Variants in KCND2 observed in about 807,000 individuals in gnomAD.
KCND2 encodes A-type voltage-gated potassium channel KCND2.
KCND2 carries 16 observed loss-of-function variants against 54.4 expected under a neutral mutation model. The ratio of observed to expected loss-of-function variants is 0.29; its 90% CI spans 0.20 to 0.45. The LOEUF (loss-of-function observed/expected upper bound fraction) is 0.45, where lower values mean the gene tolerates loss of function less well. Among genes scored for constraint, KCND2 ranks in the 20% least tolerant of loss-of-function variants. The probability of loss-of-function intolerance (pLI) is 1.00; values close to 1 mark genes in which losing one functional copy is unlikely to be tolerated. For synonymous variants in KCND2, 317 were observed against 310.7 expected (o/e 1.02, Z -0.21); for missense variants, 486 against 824.2 (o/e 0.59, Z 5.02).
chr7:120,404,551 T>TA, intron 1 of KCND2, among the ~76,000 whole-genome samples: 1 of 152,248 alleles, frequency 6.6e-6, no homozygotes, highest in African/African-American at 2.4e-5. Flanking sequence ...ACTACACAGA[T>TA]AACATTAGGC....
chr7:120,648,647 A>G, intron 1 of KCND2, among the ~76,000 whole-genome samples: 1 of 152,222 alleles, frequency 6.6e-6, no homozygotes, highest in Non-Finnish European at 1.5e-5. Context: ...TTGCCCATAC[A>G]TATTAATGAC....
chr7:120,345,213 G>T lies in KCND2; in HGVS notation c.1115+69466G>T, dbSNP rs184345744. Among the ~76,000 whole-genome samples the T allele has an allele frequency of 1.0e-3, 159 of 152,236 alleles. 1 individual carries two copies. Among genetic ancestry groups the T allele is most frequent in the African/African-American group, 3.5e-3 (145 of 41,534 alleles). ...TATAGTCCAGGTGCCTAAAATGTAGGATAACTTGTTTGATTAAAAATACTG... is the reference window on the plus strand; with the variant it reads ...TATAGTCCAGGTGCCTAAAATGTAGTATAACTTGTTTGATTAAAAATACTG... On this transcript the variant is annotated intron_variant, in intron 1 of 5. Transcript: ENST00000331113.
At chr7:120,702,170 AC>A (rs1380612285) in intron 1 of KCND2, among the ~76,000 whole-genome samples, 4 of 152,322 alleles carry the variant, frequency 2.6e-5, no homozygotes, top group Non-Finnish European at 1.5e-5. Context: ...CATACATGTG[AC>A]CAACAAGCAT....
intron 1 of KCND2, among the ~76,000 whole-genome samples, chr7:120,331,136 C>G (rs1305453943): frequency 6.6e-6 from 1 of 152,030 alleles, no homozygotes; most frequent in Non-Finnish European, 1.5e-5. Flanking sequence ...TAGTATAAAA[C>G]ATTTGAGAAT....
intron 1 of KCND2, among the ~76,000 whole-genome samples, chr7:120,404,226 G>A (rs1801315104): frequency 6.6e-6 from 1 of 152,098 alleles, no homozygotes; most frequent in African/African-American, 2.4e-5. Flanking sequence ...TACTAAAAAT[G>A]ACATCATCAA....
intron 1 of KCND2, among the ~76,000 whole-genome samples, chr7:120,490,471 CTGTTTT>C (rs974029658): frequency 1.3e-5 from 2 of 152,038 alleles, no homozygotes; most frequent in Non-Finnish European, 2.9e-5. Context: ...TTCAGTATTA[CTGTTTT>C]TGTTTTTGTT....
intron 1 of KCND2, among the ~76,000 whole-genome samples, chr7:120,318,965 T>A (rs1584728010): frequency 6.6e-6 from 1 of 152,124 alleles, no homozygotes; most frequent in East Asian, 1.9e-4. Flanking sequence ...AAAGATGATT[T>A]GTAGTTTAAA....
chr7:120,496,434 A>AT (rs971453725), intron 1 of KCND2, among the ~76,000 whole-genome samples: 1 of 150,736 alleles, frequency 6.6e-6, no homozygotes, highest in Admixed American at 6.6e-5. Context: ...TAATTTTTTA[A>AT]TTTTTTTTGA....
chr7:120,605,590 G>T (rs1316909113), intron 1 of KCND2, among the ~76,000 whole-genome samples: 1 of 152,116 alleles, frequency 6.6e-6, no homozygotes, highest in African/African-American at 2.4e-5. Flanking sequence ...ATCTAGGAGT[G>T]GAACTGATGG....
chr7:120,276,683 G>GT (rs1182081406), intron 1 of KCND2, among the ~76,000 whole-genome samples: 2 of 152,012 alleles, frequency 1.3e-5, no homozygotes, highest in East Asian at 1.9e-4. Flanking sequence ...TCATGCTGTT[G>GT]TTTTTAATAT....
intron 1 of KCND2, among the ~76,000 whole-genome samples, chr7:120,395,348 C>T (rs1386953096): frequency 6.6e-6 from 1 of 151,908 alleles, no homozygotes; most frequent in African/African-American, 2.4e-5. Flanking sequence ...TGGTTTTATT[C>T]CTATTTCATT....
At chr7:120,377,923 T>G (rs947936071) in intron 1 of KCND2, among the ~76,000 whole-genome samples, 1 of 151,936 alleles carries the variant, frequency 6.6e-6, no homozygotes, top group East Asian at 1.9e-4. Context: ...TGTATGCTCA[T>G]GTTGCATATG....
At chr7:120,514,441 C>T (rs1803166937) in intron 1 of KCND2, among the ~76,000 whole-genome samples, 1 of 152,150 alleles carries the variant, frequency 6.6e-6, no homozygotes, top group African/African-American at 2.4e-5. Flanking sequence ...AAATACACGT[C>T]ACACTAAGCC....
chr7:120,444,735 A>C (rs902861992), intron 1 of KCND2, among the ~76,000 whole-genome samples: 1 of 152,144 alleles, frequency 6.6e-6, no homozygotes, highest in South Asian at 2.1e-4. Flanking sequence ...TCAACTTTTT[A>C]AGCAAATATA....
rs908257170 is a variant in KCND2 at position 120,477,498 on chromosome 7, C to A, written c.1115+201751C>A. ...AAAAATTCTGAATAATTTACAAAAT[C>A]TATTGTAAAAAATTACAAAGGGGGC... On this transcript the variant is annotated intron_variant, in intron 1 of 5. Transcript: ENST00000331113. Among the ~76,000 whole-genome samples, 38 of 152,060 alleles carry A rather than the reference C, an allele frequency of 2.5e-4. 1 individual carries two copies. The highest frequency in any genetic ancestry group is 4.9e-4 in the Non-Finnish European group (33 of 68,020).
At chr7:120,283,763 T>C (rs946545494) in intron 1 of KCND2, among the ~76,000 whole-genome samples, 1 of 152,158 alleles carries the variant, frequency 6.6e-6, no homozygotes, top group Non-Finnish European at 1.5e-5. Context: ...ACATTTTGAA[T>C]TCTAGTTAAA....
chr7:120,427,528 C>T (rs906033000), intron 1 of KCND2, among the ~76,000 whole-genome samples: 5 of 152,196 alleles, frequency 3.3e-5, no homozygotes, highest in Admixed American at 3.3e-4. Flanking sequence ...ATTTCAACCA[C>T]TACTATTAAC....
chr7:120,479,962 C>CAAAAA (rs35246643), intron 1 of KCND2, among the ~76,000 whole-genome samples: 4 of 68,806 alleles, frequency 5.8e-5, no homozygotes, highest in African/African-American at 1.1e-4. Context: ...GTAAGACTGT[C>CAAAAA]AAAAAAAAAA....
intron 1 of KCND2, among the ~76,000 whole-genome samples, chr7:120,599,225 CTT>C (rs1792784937): frequency 6.6e-6 from 1 of 152,004 alleles, no homozygotes; most frequent in Non-Finnish European, 1.5e-5. Context: ...AATACTGTAG[CTT>C]CATAATAGGT....
Sources: gnomAD v4.1 joint callset for allele counts (sites outside exome capture counted in the v4.1 genomes callset) on GRCh38, gnomAD v4.1.1 for gene constraint, MANE v1.5 for transcripts, NCBI Gene and HGNC (gene_info 2026-07-23, HGNC 2026-07-21) for gene names.